Variants in PRKCA observed in about 807,000 individuals in gnomAD.
PRKCA encodes the protein protein kinase C alpha, also known as protein kinase C alpha type.
In PRKCA, 27 loss-of-function variants were observed where a neutral mutation model predicts 87.0. That is an observed-to-expected ratio of 0.31 (90% CI 0.23 to 0.43). PRKCA has a LOEUF of 0.43. Among genes scored for constraint, PRKCA ranks in the 20% least tolerant of loss-of-function variants. The pLI, the probability that PRKCA is intolerant of heterozygous loss-of-function variation, is 1.00. For missense variants in PRKCA, 518 were observed against 852.3 expected, an observed-to-expected ratio of 0.61 and a Z score of 4.88; for synonymous variants, 329 against 311.1, an observed-to-expected ratio of 1.06 and a Z score of -0.61.
rs1391275462 is a variant in PRKCA at position 66,801,292 on chromosome 17, A to G, written c.1855-2581A>G. On this transcript the variant is annotated intron_variant, in intron 16 of 16. Coordinates refer to ENST00000413366, the MANE Select transcript of PRKCA (RefSeq NM_002737.3). ...GCCAGTCATTCTTTGGGGCGGGGGC[A>G]GTGTCCTGGGCCTTGCAGGATGTTC... 2.6e-5 allele frequency among the ~76,000 whole-genome samples: 4 copies of G among 152,310 alleles called. No individual in the cohort carries two copies. The East Asian group carries it at 7.7e-4, about 29-fold the overall frequency.
At chr17:66,631,113 T>C (rs1473689351) in intron 3 of PRKCA, among the ~76,000 whole-genome samples, 1 of 152,202 alleles carries the variant, frequency 6.6e-6, no homozygotes, top group Non-Finnish European at 1.5e-5. Flanking sequence ...TAGTGACTGC[T>C]AAAGTCCCTA....
chr17:66,617,815 C>T (rs769348778), intron 3 of PRKCA, among the ~76,000 whole-genome samples: 2 of 152,116 alleles, frequency 1.3e-5, no homozygotes, highest in East Asian at 1.9e-4. Context: ...GTAGGAACTA[C>T]GAACTTCTTA....
At chr17:66,312,233 C>T (rs1352295934) in intron 2 of PRKCA, among the ~76,000 whole-genome samples, 1 of 152,336 alleles carries the variant, frequency 6.6e-6, no homozygotes, top group East Asian at 1.9e-4. Context: ...CCTCCTGTTT[C>T]AGCCTCCCAA....
intron 2 of PRKCA, among the ~76,000 whole-genome samples, chr17:66,391,050 T>C (rs767812745): frequency 6.6e-5 from 10 of 152,204 alleles, no homozygotes; most frequent in Non-Finnish European, 1.5e-4. Flanking sequence ...TGGACTCATC[T>C]TCAGCAAACC....
intron 2 of PRKCA, among the ~76,000 whole-genome samples, chr17:66,380,297 C>T (rs1307576017): frequency 6.6e-6 from 1 of 151,400 alleles, no homozygotes. Context: ...TACATATGTT[C>T]GGATGTGTAG....
At chr17:66,496,131 C>G (rs963643431) in intron 2 of PRKCA, 70 bp from the exon 3 acceptor site, 4 of 1,226,248 alleles carry the variant, frequency 3.3e-6, no homozygotes, top group African/African-American at 3.0e-5. Context: ...GCAAGTATCT[C>G]TGTTTGGAAA....
intron 2 of PRKCA, among the ~76,000 whole-genome samples, chr17:66,374,777 G>A (rs185772076): frequency 2.0e-5 from 3 of 149,080 alleles, no homozygotes; most frequent in African/African-American, 7.5e-5. Context: ...GTCCAGGCTG[G>A]AGCACAGTGG....
Position 66,589,549 on chromosome 17 carries a change from C to A in PRKCA, c.289-51806C>A, listed in dbSNP as rs559374457. ...CTATAAGGAGCAATCTTTAAGTGAACCTTCTTGTACATGGATGTTTGTGAA... is the reference window on the plus strand; with the variant it reads ...CTATAAGGAGCAATCTTTAAGTGAAACTTCTTGTACATGGATGTTTGTGAA... On this transcript the variant is annotated intron_variant, in intron 3 of 16. Coordinates refer to ENST00000413366, the MANE Select transcript of PRKCA (RefSeq NM_002737.3). 7.2e-5 allele frequency among the ~76,000 whole-genome samples: 11 copies of A among 152,200 alleles called. No individual in the cohort carries two copies. In the South Asian group the frequency reaches 2.1e-3, roughly 29 times the overall value.
chr17:66,670,730 C>T (rs181435064), intron 5 of PRKCA, among the ~76,000 whole-genome samples: 14 of 151,848 alleles, frequency 9.2e-5, no homozygotes, highest in African/African-American at 2.4e-4. Context: ...GGTGTGATGG[C>T]GTGTGTCTGT....
At chr17:66,521,091 T>G (rs1347858193) in intron 3 of PRKCA, among the ~76,000 whole-genome samples, 9 of 151,858 alleles carry the variant, frequency 5.9e-5, no homozygotes, top group Non-Finnish European at 1.3e-4. Flanking sequence ...CAAACCAAAC[T>G]GCAGCTCCAA....
chr17:66,427,978 A>G (rs1401124665), intron 2 of PRKCA, among the ~76,000 whole-genome samples: 1 of 152,172 alleles, frequency 6.6e-6, no homozygotes, highest in Admixed American at 6.5e-5. Flanking sequence ...GGCCTCTGTG[A>G]TTCCTCCTCC....
intron 2 of PRKCA, among the ~76,000 whole-genome samples, chr17:66,460,088 T>C (rs1471768994): frequency 6.6e-6 from 1 of 152,210 alleles, no homozygotes; most frequent in Non-Finnish European, 1.5e-5. Context: ...GCTTTTGAAA[T>C]AGGAAGCCCA....
At chr17:66,339,139 C>T (rs142021985) in intron 2 of PRKCA, among the ~76,000 whole-genome samples, 46 of 152,300 alleles carry the variant, frequency 3.0e-4, no homozygotes, top group Non-Finnish European at 6.0e-4. Flanking sequence ...GTAACTGTTA[C>T]AGTATCAACC....
At position 66,520,851 on chromosome 17, in the gene PRKCA, T is replaced by G. The variant is rs542037194; in HGVS notation, c.288+24568T>G. Among the ~76,000 whole-genome samples, 8 of 152,360 alleles carry G rather than the reference T, an allele frequency of 5.3e-5. No individual in the cohort carries two copies. In the South Asian group the frequency reaches 1.7e-3, roughly 32 times the overall value. On this transcript the variant is annotated intron_variant, in intron 3 of 16. Coordinates refer to ENST00000413366, the MANE Select transcript of PRKCA (RefSeq NM_002737.3). ...AAAGTAAAATGACTCCAGTACCACT[T>G]GCCACTGCTATTTTAGAGACAGTGA... is the stretch of plus-strand genomic sequence containing the variant.
At chr17:66,476,575 T>C (rs1205951711) in intron 2 of PRKCA, among the ~76,000 whole-genome samples, 1 of 152,204 alleles carries the variant, frequency 6.6e-6, no homozygotes, top group Non-Finnish European at 1.5e-5. Context: ...TGCCATTACC[T>C]CTCAGCCTAG....
rs59068676 is a variant in PRKCA at position 66,618,768 on chromosome 17, A to G, written c.289-22587A>G. Among the ~76,000 whole-genome samples, 306 of 152,352 alleles carry G rather than the reference A, an allele frequency of 2.0e-3. 1 individual carries two copies. Among genetic ancestry groups the G allele is most frequent in the African/African-American group, 7.0e-3 (292 of 41,584 alleles). ...CTACATGCCTACATTCTGCAGGGTT[A>G]GGCTGGGAACATAGACCTTTGCTGA... On this transcript the variant is annotated intron_variant, in intron 3 of 16. Coordinates refer to ENST00000413366, the MANE Select transcript of PRKCA (RefSeq NM_002737.3).
At chr17:66,584,260 C>T (rs1038367450) in intron 3 of PRKCA, among the ~76,000 whole-genome samples, 5 of 137,744 alleles carry the variant, frequency 3.6e-5, no homozygotes, top group African/African-American at 1.1e-4. Context: ...CTCGCTCTGT[C>T]GCCCAGGCTG....
chr17:66,708,261 C>G (rs1973236841), intron 8 of PRKCA, among the ~76,000 whole-genome samples: 1 of 152,206 alleles, frequency 6.6e-6, no homozygotes. Flanking sequence ...AGTGCAGCTT[C>G]CTGCCATTTG....
At chr17:66,490,865 C>T (rs1316632175) in intron 2 of PRKCA, among the ~76,000 whole-genome samples, 1 of 152,160 alleles carries the variant, frequency 6.6e-6, no homozygotes, top group Non-Finnish European at 1.5e-5. Context: ...ACAGGTGTGA[C>T]CCACCGCTCC....
Sources: gnomAD v4.1 joint callset for allele counts (sites outside exome capture counted in the v4.1 genomes callset) on GRCh38, gnomAD v4.1.1 for gene constraint, MANE v1.5 for transcripts, NCBI Gene and HGNC (gene_info 2026-07-23, HGNC 2026-07-21) for gene names.